CADPS2: variants seen among roughly 807,000 people sequenced by gnomAD.
CADPS2 encodes calcium dependent secretion activator 2.
A neutral mutation model predicts 172.5 loss-of-function variants in CADPS2; 93 were observed. That is an observed-to-expected ratio of 0.54 (90% CI 0.46 to 0.64). CADPS2 has a LOEUF of 0.64. Ranked by LOEUF, CADPS2 falls within the 30% of genes least tolerant of loss-of-function variation. CADPS2 has a pLI of 0.00. For missense variants in CADPS2, 1,420 were observed against 1,565.9 expected (o/e 0.91, Z 1.57); for synonymous variants, 546 against 555.2 (o/e 0.98, Z 0.23).
At chr7:122,620,144 G>A (rs1702625445) in intron 5 of CADPS2, among the ~76,000 whole-genome samples, 1 of 152,166 alleles carries the variant, frequency 6.6e-6, no homozygotes, top group African/African-American at 2.4e-5. Context: ...TCGTAAGACT[G>A]TATTTACTTT....
At chr7:122,711,171 TTC>T (rs2088650336) in intron 2 of CADPS2, among the ~76,000 whole-genome samples, 1 of 152,116 alleles carries the variant, frequency 6.6e-6, no homozygotes, top group Non-Finnish European at 1.5e-5. Context: ...GTCTTACATT[TTC>T]TCTCCAAAAG....
At chr7:122,739,335 A>G (rs1174894715) in intron 1 of CADPS2, among the ~76,000 whole-genome samples, 1 of 152,116 alleles carries the variant, frequency 6.6e-6, no homozygotes, top group African/African-American at 2.4e-5. Flanking sequence ...GAAACTGTGT[A>G]TTTTTTCATT....
At chr7:122,451,238 A>T in intron 15 of CADPS2, 136 bp downstream of exon 15, 1 of 437,822 alleles carries the variant, frequency 2.3e-6, no homozygotes, top group Non-Finnish European at 4.0e-6. Flanking sequence ...AAGAATGTGA[A>T]CCTTACCCTG....
At chr7:122,795,036 A>C (rs1796072079) in intron 1 of CADPS2, among the ~76,000 whole-genome samples, 1 of 152,106 alleles carries the variant, frequency 6.6e-6, no homozygotes, top group Admixed American at 6.6e-5. Flanking sequence ...TCAAGTTAAT[A>C]ACCTCACATC....
intron 7 of CADPS2, among the ~76,000 whole-genome samples, chr7:122,575,260 T>C (rs938134055): frequency 4.6e-5 from 7 of 151,958 alleles, no homozygotes; most frequent in African/African-American, 1.7e-4. Context: ...GATCCTGGAT[T>C]CTATCCTAGA....
intron 1 of CADPS2, among the ~76,000 whole-genome samples, chr7:122,770,328 T>C (rs1435343900): frequency 3.9e-5 from 6 of 152,148 alleles, no homozygotes; most frequent in Non-Finnish European, 8.8e-5. Context: ...AGAAAAAAAG[T>C]ATAGAAAATA....
At chr7:122,848,734 C>T (rs979708764) in intron 1 of CADPS2, among the ~76,000 whole-genome samples, 3 of 152,134 alleles carry the variant, frequency 2.0e-5, no homozygotes, top group African/African-American at 7.2e-5. Context: ...TATCTTGCAT[C>T]TGTGTGTAAA....
chr7:122,520,245 T>C (rs1290911088), intron 8 of CADPS2, among the ~76,000 whole-genome samples: 1 of 152,022 alleles, frequency 6.6e-6, no homozygotes, highest in Non-Finnish European at 1.5e-5. Context: ...AAAATGAAGT[T>C]TAGTAAAAAT....
intron 17 of CADPS2, among the ~76,000 whole-genome samples, chr7:122,430,430 T>C (rs1404019115): frequency 6.6e-6 from 1 of 152,174 alleles, no homozygotes; most frequent in African/African-American, 2.4e-5. Flanking sequence ...AAAGAACAAA[T>C]TGATTCTTCT....
At position 122,506,135 on chromosome 7, in the gene CADPS2, G is replaced by A. The variant is rs527755567; in HGVS notation, c.1542+7114C>T. On this transcript the variant is annotated intron_variant, in intron 9 of 29. Coordinates refer to ENST00000449022, the MANE Select transcript of CADPS2 (RefSeq NM_017954.11). ...AGTCTTGCAGCCTCTACTCTGCCTCGTCACCACTTGCCAGGGAATTAGATA... is the reference window on the plus strand; with the variant it reads ...AGTCTTGCAGCCTCTACTCTGCCTCATCACCACTTGCCAGGGAATTAGATA... Among the ~76,000 whole-genome samples, 22 of 152,234 alleles carry A rather than the reference G, an allele frequency of 1.4e-4. No homozygotes were observed. The South Asian group carries it at 1.9e-3, about 13-fold the overall frequency.
At chr7:122,608,672 G>A (rs1030323562) in intron 6 of CADPS2, among the ~76,000 whole-genome samples, 1 of 152,036 alleles carries the variant, frequency 6.6e-6, no homozygotes, top group South Asian at 2.1e-4. Context: ...TTACTTTCAG[G>A]TGGTGGGCAG....
At chr7:122,645,502 G>A (rs1300424992) in intron 3 of CADPS2, among the ~76,000 whole-genome samples, 1 of 101,770 alleles carries the variant, frequency 9.8e-6, no homozygotes, top group African/African-American at 4.3e-5. Flanking sequence ...ATATATATAA[G>A]TATATATATA....
chr7:122,720,960 T>C (rs377374156), intron 2 of CADPS2, among the ~76,000 whole-genome samples: 72 of 152,196 alleles, frequency 4.7e-4, no homozygotes, highest in African/African-American at 1.7e-3. Context: ...CCAGGCGTTG[T>C]GTTAATTATG....
intron 9 of CADPS2, among the ~76,000 whole-genome samples, chr7:122,496,034 G>A (rs1359137583): frequency 6.6e-6 from 1 of 152,110 alleles, no homozygotes; most frequent in Non-Finnish European, 1.5e-5. Flanking sequence ...AATTTTGCCA[G>A]AGATTTATTC....
At chr7:122,596,826 C>T (rs2071868225) in intron 6 of CADPS2, among the ~76,000 whole-genome samples, 1 of 152,054 alleles carries the variant, frequency 6.6e-6, no homozygotes, top group African/African-American at 2.4e-5. Flanking sequence ...CAACACAAAA[C>T]CCACTGTGTG....
chr7:122,549,682 T>C (rs906555895), intron 8 of CADPS2, among the ~76,000 whole-genome samples: 1 of 151,910 alleles, frequency 6.6e-6, no homozygotes, highest in African/African-American at 2.4e-5. Context: ...GGGACTCAAG[T>C]AGGATTTCGG....
At chr7:122,627,515 G>A (rs750719178) in intron 4 of CADPS2, among the ~76,000 whole-genome samples, 6 of 152,072 alleles carry the variant, frequency 3.9e-5, no homozygotes, top group Non-Finnish European at 7.4e-5. Flanking sequence ...TTCTCTCAAG[G>A]AGAAGCCTTT....
chr7:122,635,400 G>A (rs924645465), intron 3 of CADPS2, among the ~76,000 whole-genome samples: 1 of 151,630 alleles, frequency 6.6e-6, no homozygotes, highest in Admixed American at 6.6e-5. Flanking sequence ...TTTAGCATTA[G>A]GTATATCTCC....
At chr7:122,809,476 G>C (rs1190594429) in intron 1 of CADPS2, among the ~76,000 whole-genome samples, 2 of 151,774 alleles carry the variant, frequency 1.3e-5, no homozygotes, top group African/African-American at 4.8e-5. Context: ...AGCTACTCGG[G>C]AGGCTGAGGC....
Sources: gnomAD v4.1 joint callset for allele counts (sites outside exome capture counted in the v4.1 genomes callset) on GRCh38, gnomAD v4.1.1 for gene constraint, MANE v1.5 for transcripts, NCBI Gene and HGNC (gene_info 2026-07-23, HGNC 2026-07-21) for gene names.